The following VWC2L variants were observed in gnomAD, a reference collection of about 807,000 sequenced individuals.
The protein encoded by VWC2L is von Willebrand factor C domain containing 2 like.
A neutral mutation model predicts 21.6 loss-of-function variants in VWC2L; 10 were observed. The observed-to-expected ratio is 0.46, with a 90% confidence interval of 0.29 to 0.78. The LOEUF (loss-of-function observed/expected upper bound fraction) is 0.78. Among genes scored for constraint, VWC2L ranks in the 30% least tolerant of loss-of-function variants. VWC2L has a pLI of 0.10. For synonymous variants in VWC2L, 96 were observed against 94.3 expected (o/e 1.02, Z -0.10); for missense variants, 209 against 277.1 (o/e 0.75, Z 1.74).
chr2:214,512,731 AAC>A (rs1393720899), intron 3 of VWC2L, among the ~76,000 whole-genome samples: 2 of 151,254 alleles, frequency 1.3e-5, no homozygotes, highest in African/African-American at 2.5e-5. Flanking sequence ...TGTCAAAAGT[AAC>A]AGTTTCCCCA....
intron 3 of VWC2L, among the ~76,000 whole-genome samples, chr2:214,476,622 AATT>A (rs1688529749): frequency 6.6e-6 from 1 of 152,178 alleles, no homozygotes. Context: ...CTGAATATCA[AATT>A]ATTAGGTAGT....
chr2:214,547,087 C>T (rs1205403603), intron 3 of VWC2L, among the ~76,000 whole-genome samples: 1 of 152,132 alleles, frequency 6.6e-6, no homozygotes, highest in Non-Finnish European at 1.5e-5. Flanking sequence ...ACGGTCAGCT[C>T]AAGCTAGCGG....
At chr2:214,476,253 T>C (rs966307964) in intron 3 of VWC2L, among the ~76,000 whole-genome samples, 1 of 152,198 alleles carries the variant, frequency 6.6e-6, no homozygotes, top group African/African-American at 2.4e-5. Context: ...TATTGCATTA[T>C]TGAAATCAAT....
At chr2:214,535,475 A>G (rs1423830827) in intron 3 of VWC2L, among the ~76,000 whole-genome samples, 1 of 151,784 alleles carries the variant, frequency 6.6e-6, no homozygotes, top group Non-Finnish European at 1.5e-5. Context: ...ACATTGGCCT[A>G]TTGAAATGTG....
chr2:214,453,214 T>C (rs1703002063), intron 3 of VWC2L, among the ~76,000 whole-genome samples: 1 of 152,362 alleles, frequency 6.6e-6, no homozygotes, highest in Admixed American at 6.5e-5. Context: ...GGTTTTCATT[T>C]ATGTCCATGA....
intron 3 of VWC2L, among the ~76,000 whole-genome samples, chr2:214,567,655 G>A (rs1690089188): frequency 6.6e-6 from 1 of 151,468 alleles, no homozygotes; most frequent in Non-Finnish European, 1.5e-5. Flanking sequence ...TGCTACAGCA[G>A]CATCATCCCA....
intron 3 of VWC2L, among the ~76,000 whole-genome samples, chr2:214,487,692 G>A (rs748209262): frequency 6.6e-6 from 1 of 152,188 alleles, no homozygotes; most frequent in Non-Finnish European, 1.5e-5. Context: ...TGGAGCAAGT[G>A]CATTCAAGAA....
intron 3 of VWC2L, among the ~76,000 whole-genome samples, chr2:214,498,791 A>G (rs1688848849): frequency 6.7e-6 from 1 of 150,288 alleles, no homozygotes; most frequent in East Asian, 1.9e-4. Flanking sequence ...ATGTGTACAT[A>G]TACATATAAA....
intron 3 of VWC2L, among the ~76,000 whole-genome samples, chr2:214,572,197 T>A (rs1045916493): frequency 6.6e-6 from 1 of 152,226 alleles, no homozygotes; most frequent in Non-Finnish European, 1.5e-5. Context: ...GTGTGTTCAA[T>A]TCATTGAGAA....
At chr2:214,567,902 T>G (rs1039636809) in intron 3 of VWC2L, among the ~76,000 whole-genome samples, 2 of 152,180 alleles carry the variant, frequency 1.3e-5, no homozygotes, top group Non-Finnish European at 2.9e-5. Context: ...GAAAAGAATC[T>G]TCAAAGTGTT....
intron 3 of VWC2L, among the ~76,000 whole-genome samples, chr2:214,544,546 C>A (rs190385665): frequency 5.4e-4 from 82 of 152,164 alleles, no homozygotes; most frequent in South Asian, 8.3e-4. Context: ...CTTGTTACTC[C>A]CTGATATAGG....
chr2:214,477,405 A>T (rs1688540214), intron 3 of VWC2L, among the ~76,000 whole-genome samples: 1 of 152,250 alleles, frequency 6.6e-6, no homozygotes, highest in South Asian at 2.1e-4. Context: ...AATAGGACTT[A>T]TATCTCTGGT....
intron 2 of VWC2L, among the ~76,000 whole-genome samples, chr2:214,415,440 T>C (rs914982345): frequency 6.6e-6 from 1 of 152,184 alleles, no homozygotes; most frequent in African/African-American, 2.4e-5. Flanking sequence ...GATGGCTTTA[T>C]ATAAAATGTT....
At chr2:214,427,967 C>T (rs1352611073) in intron 2 of VWC2L, among the ~76,000 whole-genome samples, 3 of 152,080 alleles carry the variant, frequency 2.0e-5, no homozygotes, top group African/African-American at 7.2e-5. Flanking sequence ...ATGAAACCCA[C>T]GGATATGAAG....
At chr2:214,526,019 C>G (rs910591663) in intron 3 of VWC2L, among the ~76,000 whole-genome samples, 1 of 151,212 alleles carries the variant, frequency 6.6e-6, no homozygotes, top group Admixed American at 6.6e-5. Flanking sequence ...ATATAAGTAC[C>G]CAATAAGTAT....
intron 3 of VWC2L, among the ~76,000 whole-genome samples, chr2:214,543,770 G>C (rs1414959525): frequency 1.3e-5 from 2 of 152,118 alleles, no homozygotes; most frequent in African/African-American, 4.8e-5. Flanking sequence ...AAGCCAAACT[G>C]GTTTGGTTGA....
chr2:214,477,186 A>C (rs1403136454), intron 3 of VWC2L, among the ~76,000 whole-genome samples: 1 of 152,226 alleles, frequency 6.6e-6, no homozygotes, highest in Non-Finnish European at 1.5e-5. Flanking sequence ...TTAGTCAGAA[A>C]ATGCCATTCA....
chr2:214,545,129 A>G (rs1341324025), intron 3 of VWC2L, among the ~76,000 whole-genome samples: 2 of 152,220 alleles, frequency 1.3e-5, no homozygotes, highest in East Asian at 3.8e-4. Flanking sequence ...AATATGATGC[A>G]TATAAAACTT....
intron 2 of VWC2L, among the ~76,000 whole-genome samples, chr2:214,429,693 T>C (rs77659807): frequency 9.2e-5 from 14 of 152,250 alleles, no homozygotes; most frequent in Admixed American, 1.3e-4. Flanking sequence ...CTTGAAAATG[T>C]TGAGGAAAAA....
Sources: allele counts gnomAD v4.1 joint callset (sites outside exome capture counted in the v4.1 genomes callset), GRCh38; gene constraint gnomAD v4.1.1; transcripts MANE v1.5; gene names NCBI Gene and HGNC (gene_info 2026-07-23, HGNC 2026-07-21).